Variants in WDR25 observed in about 807,000 individuals in gnomAD.
The protein encoded by WDR25 is WD repeat domain 25, also known as WD repeat-containing protein 25.
Under a neutral mutation model 47.7 loss-of-function variants are expected in WDR25, and 35 were observed. The ratio of observed to expected loss-of-function variants is 0.73; its 90% CI spans 0.56 to 0.97. WDR25 has a LOEUF of 0.97. Among genes scored for constraint, WDR25 ranks in the 50% least tolerant of loss-of-function variants. The probability of loss-of-function intolerance (pLI) is 0.00; values close to 1 mark genes in which losing one functional copy is unlikely to be tolerated. For missense variants in WDR25, 634 were observed against 704.7 expected (o/e 0.90, Z 1.14); for synonymous variants, 248 against 278.9 (o/e 0.89, Z 1.10).
chr14:100,409,453 G>T (rs537707929), intron 2 of WDR25, among the ~76,000 whole-genome samples: 1 of 151,804 alleles, frequency 6.6e-6, no homozygotes, highest in African/African-American at 2.4e-5. Flanking sequence ...CTGATCGAGG[G>T]TCTTTAAAGG....
chr14:100,411,802 TTGGGATTACAGGTGTGAGCCACCA>T (rs1897716322), intron 2 of WDR25, among the ~76,000 whole-genome samples: 1 of 152,164 alleles, frequency 6.6e-6, no homozygotes, highest in East Asian at 1.9e-4. Flanking sequence ...TCCCAAAGTG[TTGGGATTACAGGTGTGAGCCACCA>T]TGCCCTGCCT....
intron 4 of WDR25, among the ~76,000 whole-genome samples, chr14:100,489,655 C>T (rs1444982091): frequency 6.6e-6 from 1 of 152,144 alleles, no homozygotes; most frequent in Non-Finnish European, 1.5e-5. Flanking sequence ...ACATGTGGCT[C>T]CTGCAGCTGG....
intron 5 of WDR25, among the ~76,000 whole-genome samples, chr14:100,528,863 C>G (rs115119049): frequency 6.6e-6 from 1 of 152,206 alleles, no homozygotes; most frequent in Admixed American, 6.5e-5. Flanking sequence ...CCCAGCGAGG[C>G]CTTTTTCAGA....
intron 2 of WDR25, among the ~76,000 whole-genome samples, chr14:100,453,587 C>G (rs369667836): frequency 2.0e-5 from 3 of 152,196 alleles, no homozygotes; most frequent in East Asian, 1.9e-4. Flanking sequence ...TCAAATGTCC[C>G]GGATATGAAG....
At chr14:100,519,067 A>T (rs1185059858) in intron 4 of WDR25, among the ~76,000 whole-genome samples, 5 of 152,122 alleles carry the variant, frequency 3.3e-5, no homozygotes, top group Non-Finnish European at 5.9e-5. Flanking sequence ...TAATCCAGTC[A>T]GTCTTTGGGT....
Position 100,529,558 on chromosome 14 carries a change from A to T in WDR25, c.1414-262A>T. On this transcript the variant is annotated intron_variant, in intron 6 of 6. Transcript: ENST00000402312. This position sits in a 1 kb window ranked among gnomAD's most constrained non-coding sequence, Gnocchi z 5.1. ...CTGGGGTGGAAGGGGCTGGGTGCTT[A>T]GTGACTGTCACTGAGGCCAGACCCC... The T allele has an allele frequency of 1.7e-6, 1 of 592,682 alleles. No homozygotes were observed. The highest frequency in any genetic ancestry group is 3.0e-6 in the Non-Finnish European group (1 of 335,068). 36.7% of individuals were successfully genotyped at this position (592,682 alleles called of 1,614,324 possible). A position where few individuals can be genotyped will look rare whatever the true frequency, so the allele number is the denominator to read the frequency against.
At chr14:100,518,703 C>T (rs146569004) in intron 4 of WDR25, among the ~76,000 whole-genome samples, 1 of 151,982 alleles carries the variant, frequency 6.6e-6, no homozygotes. Flanking sequence ...CCAGCCTGGG[C>T]AACATGGTGA....
intron 4 of WDR25, among the ~76,000 whole-genome samples, chr14:100,489,149 G>A (rs182346670): frequency 1.3e-5 from 2 of 152,382 alleles, no homozygotes; most frequent in African/African-American, 4.8e-5. Context: ...GACAGAGGCA[G>A]GAGGACTTGG....
chr14:100,381,172 T>G lies in WDR25; in HGVS notation c.248T>G (p.Leu83Arg). The change falls in exon 2 of 7, where the codon CTT (leucine) becomes CGT (arginine). Residue 83 changes from leucine (L) to arginine (R), a missense_variant. Physicochemically the swap from Leu to Arg is moderately radical, Grantham distance 102 (BLOSUM62 -2). Coordinates refer to ENST00000402312, the MANE Select transcript of WDR25 (RefSeq NM_001161476.3). ...GGCTATCGCCTTCCATTGGCTCAGC[T>G]TGGGAGAAGCGATTGGGGATCTTGC... ...PGGYRLPLAQLGRSDWGSCPS... is the reference protein window; with the variant it reads ...PGGYRLPLAQRGRSDWGSCPS... 3 of 1,614,186 alleles carry G rather than the reference T, an allele frequency of 1.9e-6. No homozygotes were observed. Among genetic ancestry groups the G allele is most frequent in the Non-Finnish European group, 2.5e-6 (3 of 1,180,034 alleles).
At chr14:100,482,685 C>T (rs1242349944) in intron 3 of WDR25, among the ~76,000 whole-genome samples, 6 of 152,136 alleles carry the variant, frequency 3.9e-5, no homozygotes, top group Non-Finnish European at 1.5e-5. Context: ...GAGCCCTTCA[C>T]TAATGTGTGG....
intron 2 of WDR25, among the ~76,000 whole-genome samples, chr14:100,445,629 G>A (rs543162903): frequency 6.6e-6 from 1 of 152,292 alleles, no homozygotes; most frequent in African/African-American, 2.4e-5. Context: ...CCAGGGCTGA[G>A]ACGGGGACAG....
chr14:100,403,159 G>T (rs1216885143), intron 2 of WDR25, among the ~76,000 whole-genome samples: 1 of 152,182 alleles, frequency 6.6e-6, no homozygotes, highest in Non-Finnish European at 1.5e-5. Flanking sequence ...TTTGAAAACT[G>T]ATTTTTTAAG....
chr14:100,458,612 CT>C (rs1476625898), intron 2 of WDR25, among the ~76,000 whole-genome samples: 1 of 152,088 alleles, frequency 6.6e-6, no homozygotes, highest in African/African-American at 2.4e-5. Flanking sequence ...AATATACATT[CT>C]TTTCAATTGC....
chr14:100,508,730 G>A (rs986080420), intron 4 of WDR25, among the ~76,000 whole-genome samples: 26 of 152,126 alleles, frequency 1.7e-4, no homozygotes, highest in African/African-American at 6.0e-4. Flanking sequence ...TAAGTATGAT[G>A]TTAGATGTTG....
chr14:100,478,462 C>A (rs1457787375), intron 3 of WDR25, among the ~76,000 whole-genome samples: 3 of 152,210 alleles, frequency 2.0e-5, no homozygotes, highest in African/African-American at 7.2e-5. Flanking sequence ...GCCCTAATTT[C>A]TGAAACAAAG....
Position 100,484,139 on chromosome 14 carries a change from C to G in WDR25, c.1101+15C>G. On this transcript the variant is annotated intron_variant, in intron 4 of 6. Coordinates refer to ENST00000402312, the MANE Select transcript of WDR25 (RefSeq NM_001161476.3). ...GGACTGGCAAGGTAATAGCCATATTCCTAACTTGGCCTTTCCACAGGAGAG... is the reference window on the plus strand; with the variant it reads ...GGACTGGCAAGGTAATAGCCATATTGCTAACTTGGCCTTTCCACAGGAGAG... 1.2e-6 allele frequency: 2 copies of G among 1,600,894 alleles called. No individual in the cohort carries two copies. The highest frequency in any genetic ancestry group is 1.7e-6 in the Non-Finnish European group (2 of 1,175,350).
chr14:100,444,688 G>A (rs138872467), intron 2 of WDR25, among the ~76,000 whole-genome samples: 1 of 152,360 alleles, frequency 6.6e-6, no homozygotes, highest in East Asian at 1.9e-4. Flanking sequence ...GATGGTTGGT[G>A]CATTCACAGT....
intron 2 of WDR25, among the ~76,000 whole-genome samples, chr14:100,454,171 A>C (rs192826786): frequency 6.6e-6 from 1 of 152,178 alleles, no homozygotes; most frequent in African/African-American, 2.4e-5. Flanking sequence ...CTCCCATACC[A>C]TGTATCCTAC....
intron 4 of WDR25, among the ~76,000 whole-genome samples, chr14:100,486,676 G>T (rs1397821537): frequency 6.6e-6 from 1 of 152,156 alleles, no homozygotes; most frequent in Admixed American, 6.5e-5. Flanking sequence ...CTCCTGTGGC[G>T]CTGTCCCAGG....
Sources: gnomAD v4.1 joint callset for allele counts (sites outside exome capture counted in the v4.1 genomes callset) on GRCh38, gnomAD v4.1.1 for gene constraint, Gnocchi (gnomAD v3.1) non-coding constraint, MANE v1.5 for transcripts, NCBI Gene and HGNC (gene_info 2026-07-23, HGNC 2026-07-21) for gene names.